Variants in PDE10A observed in about 807,000 individuals in gnomAD.
The protein encoded by PDE10A is cAMP and cAMP-inhibited cGMP 3',5'-cyclic phosphodiesterase 10A.
A neutral mutation model predicts 97.7 loss-of-function variants in PDE10A; 39 were observed. That is an observed-to-expected ratio of 0.40 (90% CI 0.31 to 0.52). The LOEUF (loss-of-function observed/expected upper bound fraction) is 0.52. PDE10A is among the 20% of genes least tolerant of loss of function. The probability of loss-of-function intolerance (pLI) is 0.56; values close to 1 mark genes in which losing one functional copy is unlikely to be tolerated. For synonymous variants in PDE10A, 371 were observed against 376.8 expected (o/e 0.98, Z 0.18); for missense variants, 731 against 1,047.8 (o/e 0.70, Z 4.17).
At chr6:165,944,028 G>A (rs1271696992) in intron 1 of PDE10A, among the ~76,000 whole-genome samples, 1 of 152,152 alleles carries the variant, frequency 6.6e-6, no homozygotes, top group Non-Finnish European at 1.5e-5. Flanking sequence ...TCACAGTTCT[G>A]CATGGTTGAG....
rs1364169736 is a variant in PDE10A, at chr6:165,662,807, G to T, written c.5C>A (p.Ala2Asp). ...GGGAGCAAGAGGCTCCTCGAGGCTGGCCATGGTTCCTCCCCGGGCCGCGGA... is the reference window on the plus strand; with the variant it reads ...GGGAGCAAGAGGCTCCTCGAGGCTGTCCATGGTTCCTCCCCGGGCCGCGGA... M[A>D]SLEEPLAPRP... Residue 2 changes from alanine (A) to aspartate (D), a missense_variant, in exon 1 of 22, where the codon GCC becomes GAC. This residue lies in a region of PDE10A where 181 missense variants were observed against 159.1 expected (regional missense o/e 1.14). Coordinates refer to ENST00000539869, the MANE Select transcript of PDE10A (RefSeq NM_001385079.1). Among the ~76,000 whole-genome samples the T allele has an allele frequency of 6.0e-5, 9 of 149,960 alleles. No homozygotes were observed. Among genetic ancestry groups the T allele is most frequent in the Non-Finnish European group, 1.2e-4 (8 of 67,122 alleles).
At chr6:165,652,172 T>G (rs10485103) in intron 1 of PDE10A, among the ~76,000 whole-genome samples, 10,276 of 152,202 alleles carry the variant, frequency 0.068, 481 homozygotes, top group South Asian at 0.22. Context: ...CCAAGAAAAT[T>G]TGAAATGTAT....
chr6:165,878,168 C>T (rs1781392988), intron 1 of PDE10A, among the ~76,000 whole-genome samples: 1 of 152,200 alleles, frequency 6.6e-6, no homozygotes, highest in Non-Finnish European at 1.5e-5. Context: ...AAACCTGCCA[C>T]ATTTTACAAA....
At chr6:165,832,367 T>C (rs1004072197) in intron 1 of PDE10A, among the ~76,000 whole-genome samples, 9 of 152,132 alleles carry the variant, frequency 5.9e-5, no homozygotes, top group African/African-American at 9.7e-5. Flanking sequence ...GTTAACTACC[T>C]TGTCGAAGTT....
intron 1 of PDE10A, among the ~76,000 whole-genome samples, chr6:165,981,596 T>G (rs1467589989): frequency 6.6e-6 from 1 of 152,210 alleles, no homozygotes; most frequent in Non-Finnish European, 1.5e-5. Flanking sequence ...CTTGAGCTCC[T>G]TTTCTCCTCA....
intron 10 of PDE10A, among the ~76,000 whole-genome samples, chr6:165,424,202 G>A (rs771366023): frequency 1.3e-5 from 2 of 152,050 alleles, no homozygotes; most frequent in Non-Finnish European, 2.9e-5. Flanking sequence ...CCCCAGCTAC[G>A]TTAGATCCCA....
chr6:165,858,201 G>T, intron 1 of PDE10A, among the ~76,000 whole-genome samples: 1 of 152,008 alleles, frequency 6.6e-6, no homozygotes, highest in Non-Finnish European at 1.5e-5. Context: ...GTATTTTTAG[G>T]GGGGAGTTAT....
chr6:165,963,124 A>G (rs2128498833), intron 1 of PDE10A, among the ~76,000 whole-genome samples: 1 of 152,306 alleles, frequency 6.6e-6, no homozygotes, highest in South Asian at 2.1e-4. Flanking sequence ...CATCCTTTGA[A>G]ATAAAAATTT....
At chr6:165,565,219 AG>A (rs1005138620) in intron 1 of PDE10A, among the ~76,000 whole-genome samples, 58 of 152,286 alleles carry the variant, frequency 3.8e-4, no homozygotes, top group African/African-American at 1.3e-3. Context: ...AATCAACAAA[AG>A]CTTCTTGGAA....
chr6:165,502,418 G>T (rs1199362680), intron 2 of PDE10A, among the ~76,000 whole-genome samples: 1 of 152,126 alleles, frequency 6.6e-6, no homozygotes, highest in Non-Finnish European at 1.5e-5. Flanking sequence ...AATACTAAGA[G>T]GATGAATACT....
chr6:165,842,994 A>G (rs1261999872), intron 1 of PDE10A, among the ~76,000 whole-genome samples: 4 of 152,246 alleles, frequency 2.6e-5, no homozygotes, highest in Non-Finnish European at 5.9e-5. Context: ...TTGAAAATTA[A>G]GATCTGACAC....
chr6:165,431,400 CA>C, intron 8 of PDE10A, 21 bp downstream of exon 8: 5 of 1,571,440 alleles, frequency 3.2e-6, no homozygotes, highest in East Asian at 2.3e-5. Context: ...GAAGCCCCTG[CA>C]AAAACACCCC....
intron 1 of PDE10A, among the ~76,000 whole-genome samples, chr6:165,897,989 C>T (rs771674074): frequency 1.1e-4 from 17 of 152,112 alleles, no homozygotes; most frequent in Middle Eastern, 3.4e-3. Flanking sequence ...CCTTTGCCGA[C>T]CACTCCCGTT....
intron 1 of PDE10A, among the ~76,000 whole-genome samples, chr6:165,831,404 C>T (rs527930414): frequency 1.4e-5 from 2 of 147,346 alleles, no homozygotes; most frequent in African/African-American, 5.0e-5. Context: ...AAAGGATTGC[C>T]CAGGATAAGA....
intron 1 of PDE10A, among the ~76,000 whole-genome samples, chr6:165,700,603 G>A (rs1013710749): frequency 2.6e-5 from 4 of 152,050 alleles, no homozygotes; most frequent in Non-Finnish European, 5.9e-5. Context: ...AGAGTTTGGG[G>A]GAAAGGAAAT....
chr6:165,369,860 T>G (rs1241511329), intron 18 of PDE10A, among the ~76,000 whole-genome samples: 1 of 151,498 alleles, frequency 6.6e-6, no homozygotes, highest in African/African-American at 2.4e-5. Context: ...GGGAAGCCCA[T>G]CAGACTAACA....
At chr6:165,494,517 C>CAT (rs112000837) in intron 2 of PDE10A, among the ~76,000 whole-genome samples, 4,388 of 141,824 alleles carry the variant, frequency 0.031, 81 homozygotes, top group African/African-American at 0.055. Context: ...ATGGTGTGTG[C>CAT]ATATATATAT....
At chr6:165,537,973 A>G (rs978865061) in intron 2 of PDE10A, among the ~76,000 whole-genome samples, 10 of 151,962 alleles carry the variant, frequency 6.6e-5, no homozygotes, top group Non-Finnish European at 1.5e-4. Flanking sequence ...TAAACCTTCC[A>G]ACACCGAATG....
At chr6:165,964,876 T>C (rs1784464719) in intron 1 of PDE10A, among the ~76,000 whole-genome samples, 4 of 152,116 alleles carry the variant, frequency 2.6e-5, no homozygotes, top group Admixed American at 2.6e-4. Flanking sequence ...GAGCACTTTA[T>C]AAAGAAGACA....
Sources: gnomAD v4.1 joint callset for allele counts (sites outside exome capture counted in the v4.1 genomes callset) on GRCh38, gnomAD v4.1.1 for gene constraint, gnomAD v4.1.1 regional missense constraint, MANE v1.5 for transcripts, NCBI Gene and HGNC (gene_info 2026-07-23, HGNC 2026-07-21) for gene names.